The following RBFOX1 variants were observed in gnomAD, a reference collection of about 807,000 sequenced individuals.
RBFOX1 encodes RNA binding fox-1 homolog 1, also known as RNA binding protein fox-1 homolog 1.
In RBFOX1, 8 loss-of-function variants were observed where a neutral mutation model predicts 57.7. The observed-to-expected ratio is 0.14, with a 90% confidence interval of 0.08 to 0.25. RBFOX1 has a LOEUF of 0.25. RBFOX1 is among the 10% of genes least tolerant of loss of function. The pLI is 1.00. For synonymous variants in RBFOX1, 326 were observed against 222.4 expected, an observed-to-expected ratio of 1.47 and a Z score of -4.15; for missense variants, 611 against 548.5, an observed-to-expected ratio of 1.11 and a Z score of -1.14.
intron 3 of RBFOX1, among the ~76,000 whole-genome samples, chr16:7,032,407 A>G (rs909465668): frequency 6.6e-6 from 1 of 152,100 alleles, no homozygotes; most frequent in African/African-American, 2.4e-5. Context: ...ATCCCAGTGC[A>G]CTCCAATCTG....
intron 4 of RBFOX1, among the ~76,000 whole-genome samples, chr16:7,117,778 G>C (rs1434414133): frequency 1.3e-5 from 2 of 152,142 alleles, no homozygotes; most frequent in South Asian, 4.1e-4. Flanking sequence ...TGCAGTCAGG[G>C]TATCAGCCAG....
intron 3 of RBFOX1, among the ~76,000 whole-genome samples, chr16:6,829,496 C>A (rs201512646): frequency 0.041 from 5,499 of 134,644 alleles, 270 homozygotes; most frequent in East Asian, 0.18. Context: ...AAAAAAAAAA[C>A]AAAAAAACGT....
At chr16:7,033,551 C>T (rs1280528900) in intron 3 of RBFOX1, among the ~76,000 whole-genome samples, 1 of 152,098 alleles carries the variant, frequency 6.6e-6, no homozygotes, top group Non-Finnish European at 1.5e-5. Flanking sequence ...ATGTGAACGT[C>T]CTTTAAGAGG....
chr16:6,911,408 C>T (rs776639993), intron 3 of RBFOX1, among the ~76,000 whole-genome samples: 10 of 152,070 alleles, frequency 6.6e-5, no homozygotes, highest in African/African-American at 1.2e-4. Flanking sequence ...TGTTCCATGC[C>T]CCTCCCTGTG....
chr16:7,110,785 C>G (rs2151569517), intron 4 of RBFOX1, among the ~76,000 whole-genome samples: 1 of 152,206 alleles, frequency 6.6e-6, no homozygotes, highest in East Asian at 1.9e-4. Context: ...GGTCATGTCA[C>G]AGGAGAAAAT....
intron 11 of RBFOX1, among the ~76,000 whole-genome samples, chr16:7,638,115 C>T (rs1045941338): frequency 4.7e-4 from 71 of 152,214 alleles, no homozygotes; most frequent in African/African-American, 1.6e-3. Flanking sequence ...CTTCCACCCC[C>T]CACTTAAGTT....
intron 3 of RBFOX1, among the ~76,000 whole-genome samples, chr16:6,766,936 C>A (rs936004822): frequency 2.0e-5 from 3 of 152,034 alleles, no homozygotes; most frequent in African/African-American, 7.2e-5. Context: ...GAATGCAGCC[C>A]GTGGTACTAG....
Position 6,354,648 on chromosome 16 carries a change from C to T in RBFOX1, c.-64+37591C>T, listed in dbSNP as rs115130867. Reference sequence around the variant, plus strand: ...ACTAGCTGCAAGAGTCTTTCATTCCCTTGAAAGTATTTTGCTTCCTTCCAT... The same window carrying T: ...ACTAGCTGCAAGAGTCTTTCATTCCTTTGAAAGTATTTTGCTTCCTTCCAT... On this transcript the variant is annotated intron_variant, in intron 2 of 15. Transcript: ENST00000550418. Among the ~76,000 whole-genome samples, 981 of 152,282 alleles carry T rather than the reference C, an allele frequency of 6.4e-3. 7 individuals carry two copies. Among genetic ancestry groups the T allele is most frequent in the African/African-American group, 0.022 (900 of 41,542 alleles).
chr16:6,446,859 G>T (rs555617916), intron 2 of RBFOX1, among the ~76,000 whole-genome samples: 46 of 152,188 alleles, frequency 3.0e-4, no homozygotes, highest in Admixed American at 7.2e-4. Context: ...GCCACATAGC[G>T]CTCTTTTTAC....
intron 1 of RBFOX1, among the ~76,000 whole-genome samples, chr16:6,219,544 C>T (rs112980330): frequency 1.1e-4 from 17 of 152,146 alleles, no homozygotes; most frequent in Non-Finnish European, 1.8e-4. Context: ...GGAGTGAACT[C>T]GGGCAATTCA....
chr16:7,361,776 C>T (rs906421201), intron 4 of RBFOX1, among the ~76,000 whole-genome samples: 2 of 152,034 alleles, frequency 1.3e-5, no homozygotes, highest in Non-Finnish European at 2.9e-5. Flanking sequence ...AAGGGGCAAA[C>T]CGTGTGTATG....
At chr16:5,486,968 C>T (rs960607650) in intron 2 of RBFOX1, among the ~76,000 whole-genome samples, 6 of 152,104 alleles carry the variant, frequency 3.9e-5, no homozygotes, top group Admixed American at 2.6e-4. Context: ...GTGGAGACTC[C>T]GGTCCCCTGT....
intron 3 of RBFOX1, among the ~76,000 whole-genome samples, chr16:5,759,358 A>G (rs1006759808): frequency 6.6e-6 from 1 of 152,084 alleles, no homozygotes; most frequent in Admixed American, 6.5e-5. Context: ...TGATGCTTGT[A>G]TTTCCTTGGT....
intron 3 of RBFOX1, among the ~76,000 whole-genome samples, chr16:6,826,839 A>G (rs982796703): frequency 6.6e-6 from 1 of 152,232 alleles, no homozygotes; most frequent in African/African-American, 2.4e-5. Flanking sequence ...TTAATTTTAA[A>G]TTGAAATCCT....
intron 4 of RBFOX1, among the ~76,000 whole-genome samples, chr16:5,929,581 T>G (rs1050406518): frequency 3.3e-5 from 5 of 152,240 alleles, no homozygotes; most frequent in Non-Finnish European, 7.3e-5. Flanking sequence ...ATATGTGTAG[T>G]TATTTTTACT....
intron 2 of RBFOX1, among the ~76,000 whole-genome samples, chr16:5,479,541 C>A (rs1037715347): frequency 1.3e-5 from 2 of 152,034 alleles, no homozygotes; most frequent in Non-Finnish European, 2.9e-5. Flanking sequence ...GGTGGATGAC[C>A]TGAGGTCAGG....
At chr16:6,345,151 A>T (rs1345509993) in intron 2 of RBFOX1, among the ~76,000 whole-genome samples, 1 of 152,182 alleles carries the variant, frequency 6.6e-6, no homozygotes, top group Non-Finnish European at 1.5e-5. Flanking sequence ...GTAGACTTAA[A>T]CAGCTCCTGC....
chr16:7,665,132 G>C (rs1226468549), intron 13 of RBFOX1, among the ~76,000 whole-genome samples, 164 bp downstream of exon 13: 1 of 152,114 alleles, frequency 6.6e-6, no homozygotes, highest in Non-Finnish European at 1.5e-5. Flanking sequence ...TTCTGCTCTT[G>C]AACTTGTGGC....
At chr16:6,989,116 A>G (rs956205761) in intron 3 of RBFOX1, among the ~76,000 whole-genome samples, 2 of 152,154 alleles carry the variant, frequency 1.3e-5, no homozygotes, top group East Asian at 1.9e-4. Flanking sequence ...AGGTTGGCCT[A>G]AACTCTTGAC....
Sources: allele counts gnomAD v4.1 joint callset (sites outside exome capture counted in the v4.1 genomes callset), GRCh38; gene constraint gnomAD v4.1.1; transcripts MANE v1.5; gene names NCBI Gene and HGNC (gene_info 2026-07-23, HGNC 2026-07-21).